The following EIF2AK4 variants were observed in gnomAD, a reference collection of about 807,000 sequenced individuals.
EIF2AK4 encodes eukaryotic translation initiation factor 2 alpha kinase 4.
Under a neutral mutation model 211.1 loss-of-function variants are expected in EIF2AK4, and 139 were observed. The ratio of observed to expected loss-of-function variants is 0.66; its 90% CI spans 0.57 to 0.76. The LOEUF (loss-of-function observed/expected upper bound fraction) is 0.76, where lower values mean the gene tolerates loss of function less well. EIF2AK4 is among the 30% of genes least tolerant of loss of function. The pLI is 0.00. For missense variants in EIF2AK4, 1,664 were observed against 2,043.8 expected, an observed-to-expected ratio of 0.81 and a Z score of 3.58; for synonymous variants, 710 against 751.3, an observed-to-expected ratio of 0.94 and a Z score of 0.90.
intron 6 of EIF2AK4, 105 bp from the exon 7 acceptor site, chr15:39,961,679 G>A: frequency 1.2e-6 from 1 of 820,608 alleles, no homozygotes; most frequent in Non-Finnish European, 1.9e-6. Flanking sequence ...GGGAGAAAAT[G>A]GAGGGGCATT....
intron 32 of EIF2AK4, among the ~76,000 whole-genome samples, 188 bp downstream of exon 32, chr15:40,022,793 A>G (rs1459747766): frequency 1.3e-5 from 2 of 151,312 alleles, no homozygotes; most frequent in South Asian, 2.1e-4. Context: ...GAGTGCAATG[A>G]CGCAATCTCG....
At position 39,982,298 on chromosome 15, in the gene EIF2AK4, T is replaced by C. The variant is rs983695583; in HGVS notation, c.2320-3507T>C. ...CTGAACTAAGCCTACCACCAAAAAATATGGAATTCCAGTAAAACTGAACCC... is the reference window on the plus strand; with the variant it reads ...CTGAACTAAGCCTACCACCAAAAAACATGGAATTCCAGTAAAACTGAACCC... On this transcript the variant is annotated intron_variant, in intron 13 of 38. Transcript: ENST00000263791. Among the ~76,000 whole-genome samples the C allele has an allele frequency of 3.9e-5, 6 of 152,334 alleles. No individual in the cohort carries two copies. In the East Asian group the frequency reaches 1.2e-3, roughly 29 times the overall value.
In EIF2AK4 at chr15:39,990,369, G is replaced by C. The variant is rs1595413226; in HGVS notation, c.2623G>C (p.Ala875Pro). ...TTTTGGTTTGGCGACAGACCATCTA[G>C]CCTTTTCTGTAAGTATTTTAAAAAT... The part of the protein sequence containing the change: ...GDFGLATDHL[A>P]FSADSKQDDQ... The change falls in exon 16 of 39, where the codon GCC becomes CCC. Residue 875 changes from alanine to proline, a missense_variant. By Grantham distance (27) the Ala-to-Pro change is conservative. Transcript: ENST00000263791. 1.9e-6 allele frequency: 3 copies of C among 1,613,592 alleles called. No individual in the cohort carries two copies. The African/African-American group carries it at 4.0e-5, about 22-fold the overall frequency.
chr15:40,024,137 C>T (rs1383841907), intron 32 of EIF2AK4, among the ~76,000 whole-genome samples: 1 of 152,004 alleles, frequency 6.6e-6, no homozygotes, highest in Non-Finnish European at 1.5e-5. Context: ...ATTCCTTATC[C>T]CTGGTAATAT....
chr15:40,000,342 G>A (rs190570639), intron 20 of EIF2AK4, among the ~76,000 whole-genome samples: 2 of 152,048 alleles, frequency 1.3e-5, no homozygotes, highest in East Asian at 3.9e-4. Flanking sequence ...TAATAATTGA[G>A]GTTTTCTTAT....
chr15:39,992,705 T>G lies in EIF2AK4; in HGVS notation c.2687-64T>G, dbSNP rs978066477. The G allele has an allele frequency of 2.5e-5, 37 of 1,453,910 alleles. No homozygotes were observed. In the African/African-American group the frequency reaches 4.6e-4, roughly 18 times the overall value. The allele number at this position is 1,453,910 out of a possible 1,614,324, so 90.1% of individuals were successfully genotyped here. ...CACTTTTAAGAAACCTTTTTTTGTT[T>G]TTAGTTTGTGTCTTCTGTAAGTGCT... On this transcript the variant is annotated intron_variant, in intron 17 of 38. Transcript: ENST00000263791.
Position 40,022,210 on chromosome 15 carries a change from GTGTGTA to G in EIF2AK4, c.4303-305_4303-300del, listed in dbSNP as rs1313576820. ...TGTGTGTGTGTGTGTGTGTGTGTGT[GTGTGTA>G]TGTTGTGTTGTATAATTTTGGGCAT... On this transcript the variant is annotated intron_variant, in intron 31 of 38. Coordinates refer to ENST00000263791, the MANE Select transcript of EIF2AK4 (RefSeq NM_001013703.4). The G allele has an allele frequency of 2.3e-4, 53 of 235,188 alleles. 1 individual carries two copies. The highest frequency in any genetic ancestry group is 1.6e-3 in the East Asian group (13 of 8,012). 14.6% of individuals were successfully genotyped at this position (235,188 alleles called of 1,614,324 possible).
Position 40,008,114 on chromosome 15 carries a change from T to C in EIF2AK4, c.3495T>C (p.Thr1165=). ...TGGAGTGTGCATTTGATATTGTCACTTCTACCACCAACAGCTTTCTGCCCA... is the reference window on the plus strand; with the variant it reads ...TGGAGTGTGCATTTGATATTGTCACCTCTACCACCAACAGCTTTCTGCCCA... ...ELLECAFDIV[T]STTNSFLPTA... is the part of the protein sequence containing the mutation. The change falls in exon 25 of 39, where the codon ACT becomes ACC. Residue 1165 remains threonine, a synonymous_variant. Transcript: ENST00000263791. The C allele has an allele frequency of 6.2e-7, 1 of 1,613,210 alleles. No homozygotes were observed. The highest frequency in any genetic ancestry group is 1.1e-5 in the South Asian group (1 of 90,760).
At chr15:40,024,271 C>T (rs1188309873) in intron 32 of EIF2AK4, among the ~76,000 whole-genome samples, 4 of 149,344 alleles carry the variant, frequency 2.7e-5, no homozygotes, top group South Asian at 2.1e-4. Context: ...TGGCCTTGAA[C>T]GCCTGGGCTC....
intron 27 of EIF2AK4, among the ~76,000 whole-genome samples, chr15:40,015,927 C>T (rs1356941468): frequency 6.6e-6 from 1 of 152,226 alleles, no homozygotes; most frequent in Admixed American, 6.5e-5. Flanking sequence ...CCACTGACCT[C>T]TTCTGGGGCA....
chr15:39,977,394 C>T (rs781291355), intron 12 of EIF2AK4: 2 of 152,336 alleles, frequency 1.3e-5, no homozygotes, highest in Admixed American at 6.5e-5. Flanking sequence ...TGTTTGCGCT[C>T]CTATGAGAAT....
chr15:39,990,426 T>C, intron 16 of EIF2AK4, 49 bp downstream of exon 16: 1 of 1,426,456 alleles, frequency 7.0e-7, no homozygotes, highest in Non-Finnish European at 9.9e-7. Flanking sequence ...CTCAGATGTC[T>C]TGATAATCCT....
chr15:40,024,854 G>A (rs189042962), intron 32 of EIF2AK4, among the ~76,000 whole-genome samples: 2 of 151,982 alleles, frequency 1.3e-5, no homozygotes, highest in Non-Finnish European at 1.5e-5. Flanking sequence ...AGCCTCCCGA[G>A]TAGCTGGGAC....
intron 6 of EIF2AK4, among the ~76,000 whole-genome samples, chr15:39,958,124 G>T (rs771612496): frequency 6.6e-6 from 1 of 152,196 alleles, no homozygotes; most frequent in Non-Finnish European, 1.5e-5. Flanking sequence ...ACAGTTCAGC[G>T]TGAGGCTGTA....
intron 37 of EIF2AK4, among the ~76,000 whole-genome samples, chr15:40,033,016 T>TA (rs1455880802): frequency 2.6e-5 from 4 of 152,226 alleles, no homozygotes; most frequent in African/African-American, 9.6e-5. Context: ...TTCAGATACT[T>TA]ATTTTATTAA....
At chr15:39,954,227 T>G (rs576443860) in intron 5 of EIF2AK4, among the ~76,000 whole-genome samples, 6 of 152,198 alleles carry the variant, frequency 3.9e-5, no homozygotes, top group Non-Finnish European at 7.3e-5. Context: ...GGGAAGAGAT[T>G]GCGTCTTTAA....
At chr15:40,003,774 C>T (rs927075902) in intron 23 of EIF2AK4, among the ~76,000 whole-genome samples, 8 of 152,194 alleles carry the variant, frequency 5.3e-5, no homozygotes, top group Non-Finnish European at 7.3e-5. Flanking sequence ...TGCTTTCTTC[C>T]GACCCCCAGG....
rs371235510 is a variant in EIF2AK4, at chr15:39,939,540, C to T, written c.180C>T (p.Tyr60=). ...KEPPEINLVL[Y]PQGLTGEEVY... is the part of the protein sequence containing the mutation. ...CCCCTGAAATCAATTTAGTTTTGTA[C>T]CCTCAAGGCCTAACTGGTGAAGAAG... is the stretch of plus-strand genomic sequence containing the variant. Residue 60 remains tyrosine (Y), a synonymous_variant, in exon 2 of 39, where the codon TAC becomes TAT. Transcript: ENST00000263791. The T allele has an allele frequency of 2.5e-5, 41 of 1,609,810 alleles. No individual in the cohort carries two copies. In the African/African-American group the frequency reaches 4.8e-4, roughly 19 times the overall value.
At chr15:40,020,158 A>C (rs2140944899) in intron 30 of EIF2AK4, among the ~76,000 whole-genome samples, 1 of 116,314 alleles carries the variant, frequency 8.6e-6, no homozygotes, top group Middle Eastern at 3.8e-3. Flanking sequence ...ACAGAGCCAG[A>C]CCCTGTCAAA....
Sources: allele counts gnomAD v4.1 joint callset (sites outside exome capture counted in the v4.1 genomes callset), GRCh38; gene constraint gnomAD v4.1.1; transcripts MANE v1.5; gene names NCBI Gene and HGNC (gene_info 2026-07-23, HGNC 2026-07-21).